The following ZBED4 variants were observed in gnomAD, a reference collection of about 807,000 sequenced individuals.
ZBED4 encodes the protein zinc finger BED domain-containing protein 4.
Under a neutral mutation model 15.5 loss-of-function variants are expected in ZBED4, and 4 were observed. That is an observed-to-expected ratio of 0.26 (90% CI 0.13 to 0.59). The LOEUF is 0.59. ZBED4 is among the 20% of genes least tolerant of loss of function. The pLI, the probability that ZBED4 is intolerant of heterozygous loss-of-function variation, is 0.90. For synonymous variants in ZBED4, 692 were observed against 608.5 expected (o/e 1.14, Z -2.02); for missense variants, 1,323 against 1,461.8 (o/e 0.91, Z 1.55).
At chr22:49,863,394 C>T (rs1037259669) in intron 1 of ZBED4, among the ~76,000 whole-genome samples, 3 of 152,066 alleles carry the variant, frequency 2.0e-5, no homozygotes, top group Admixed American at 6.5e-5. Context: ...TTTGGGAGGC[C>T]GAGGCAGGCG....
In ZBED4 at chr22:49,888,349, C is replaced by T. The variant is rs563057907; in HGVS notation, c.*1171C>T. The T allele has an allele frequency of 9.2e-4, 154 of 167,120 alleles. 1 individual carries two copies. Among genetic ancestry groups the T allele is most frequent in the African/African-American group, 3.4e-3 (143 of 41,544 alleles). 10.4% of individuals were successfully genotyped at this position (167,120 alleles called of 1,614,324 possible). On this transcript the variant is annotated 3_prime_UTR_variant, in exon 2 of 2. Transcript: ENST00000216268. ...AAAGTTGTTTTGTTGAAATACTGTACGTACGCTTAATCTAAATTTGCATTG... is the reference window on the plus strand; with the variant it reads ...AAAGTTGTTTTGTTGAAATACTGTATGTACGCTTAATCTAAATTTGCATTG...
rs1295707355 is a variant in ZBED4, at chr22:49,883,981, C to T, written c.319C>T (p.Leu107Phe). 6.2e-7 allele frequency: 1 copy of T among 1,613,432 alleles called. No individual in the cohort carries two copies. The highest frequency in any genetic ancestry group is 8.5e-7 in the Non-Finnish European group (1 of 1,179,802). The change falls in exon 2 of 2, where the codon CTT (leucine) becomes TTT (phenylalanine). Residue 107 changes from leucine to phenylalanine, a missense_variant. Transcript: ENST00000216268. ...VAMEAVTQSL[L>F]SSRNMSSRKK... Reference sequence around the variant, plus strand: ...CATGGAGGCCGTGACCCAGAGCCTCCTTTCCAGCCGGAACATGAGCTCCAG... The same window carrying T: ...CATGGAGGCCGTGACCCAGAGCCTCTTTTCCAGCCGGAACATGAGCTCCAG...
At chr22:49,856,322 G>A (rs767944728) in intron 1 of ZBED4, among the ~76,000 whole-genome samples, 6 of 152,226 alleles carry the variant, frequency 3.9e-5, no homozygotes, top group Non-Finnish European at 7.3e-5. Context: ...GAGGAGCAGC[G>A]TAAACCAGAG....
chr22:49,872,757 T>C (rs1052915106), intron 1 of ZBED4, among the ~76,000 whole-genome samples: 22 of 150,856 alleles, frequency 1.5e-4, no homozygotes, highest in African/African-American at 4.6e-4. Context: ...CAGGCTGGAG[T>C]GCAGTGACGT....
chr22:49,859,640 G>C (rs5770723), intron 1 of ZBED4, among the ~76,000 whole-genome samples: 149,516 of 152,348 alleles, frequency 0.98, 73,374 homozygotes, highest in East Asian at 1. Context: ...TTAATGCCCT[G>C]TTCGCGGACA....
intron 1 of ZBED4, among the ~76,000 whole-genome samples, chr22:49,866,138 T>TTCTTG (rs2060321697): frequency 6.6e-6 from 1 of 151,840 alleles, no homozygotes; most frequent in South Asian, 2.1e-4. Context: ...CCCAAAGGAT[T>TTCTTG]TAAGTCTAGT....
chr22:49,864,946 C>T (rs188540310), intron 1 of ZBED4, among the ~76,000 whole-genome samples: 2 of 56,344 alleles, frequency 3.5e-5, no homozygotes, highest in Non-Finnish European at 6.5e-5. Context: ...AGCCCCCCCC[C>T]CCCCCCGTGA....
Position 49,885,224 on chromosome 22 carries a change from C to T in ZBED4, c.1562C>T (p.Ala521Val), listed in dbSNP as rs1456095716. The T allele has an allele frequency of 6.2e-7, 1 of 1,612,944 alleles. No individual in the cohort carries two copies. Among genetic ancestry groups the T allele is most frequent in the Non-Finnish European group, 8.5e-7 (1 of 1,179,344 alleles). Residue 521 changes from alanine (A) to valine (V), a missense_variant, in exon 2 of 2, where the codon GCA becomes GTA. Physicochemically the swap from Ala to Val is moderately conservative, Grantham distance 64 (BLOSUM62 0). This residue lies in a region of ZBED4 where 429 missense variants were observed against 397.9 expected (regional missense o/e 1.08). Transcript: ENST00000216268. ...AAGGGCTTCCTGGGTGCAAGTCTGG[C>T]AAACTCTCCGTATGCCACTTTGGCC... ...SQKGFLGASL[A>V]NSPYATLASA...
rs184864820 is a variant in ZBED4 at position 49,874,763 on chromosome 22, C to T, written c.-329-8571C>T. ...GGCTCGATCTCAGCTCACTGCACCT[C>T]GACCTCCCGTCCAGGTTCAAGCGAT... is the stretch of plus-strand genomic sequence containing the variant. On this transcript the variant is annotated intron_variant, in intron 1 of 1. Coordinates refer to ENST00000216268, the MANE Select transcript of ZBED4 (RefSeq NM_014838.3). 2.0e-3 allele frequency among the ~76,000 whole-genome samples: 274 copies of T among 139,202 alleles called. 1 individual carries two copies. Among genetic ancestry groups the T allele is most frequent in the Middle Eastern group, 4.2e-3 (1 of 236 alleles). 91.3% of individuals were successfully genotyped at this position (139,202 alleles called of 152,430 possible). A position where few individuals can be genotyped will look rare whatever the true frequency, so the allele number is the denominator to read the frequency against.
In ZBED4 at chr22:49,888,905, C is replaced by T. The variant is rs745405878; in HGVS notation, c.*1727C>T. Reference sequence around the variant, plus strand: ...TGTCATCCTGGTGTAGAAAGGGTTGCGCACAGGATAGGAGGGAGCCACAGT... The same window carrying T: ...TGTCATCCTGGTGTAGAAAGGGTTGTGCACAGGATAGGAGGGAGCCACAGT... On this transcript the variant is annotated 3_prime_UTR_variant, in exon 2 of 2. Transcript: ENST00000216268. 29 of 167,200 alleles carry T rather than the reference C, an allele frequency of 1.7e-4. No individual in the cohort carries two copies. The highest frequency in any genetic ancestry group is 9.7e-5 in the African/African-American group (4 of 41,426). 10.4% of individuals were successfully genotyped at this position (167,200 alleles called of 1,614,324 possible). A position where few individuals can be genotyped will look rare whatever the true frequency, so the allele number is the denominator to read the frequency against.
Position 49,884,564 on chromosome 22 carries a change from A to G in ZBED4, c.902A>G (p.Asn301Ser), listed in dbSNP as rs748486851. 6.2e-7 allele frequency: 1 copy of G among 1,612,838 alleles called. No homozygotes were observed. Among genetic ancestry groups the G allele is most frequent in the Non-Finnish European group, 8.5e-7 (1 of 1,179,376 alleles). ...WKHFYLSPLD[N>S]SKAVCIHCMN... ...CACTTCTACCTGTCGCCACTGGACA[A>G]CTCCAAAGCTGTCTGCATTCACTGC... Residue 301 changes from asparagine to serine, a missense_variant, in exon 2 of 2, where the codon AAC (asparagine) becomes AGC (serine). Transcript: ENST00000216268.
intron 1 of ZBED4, among the ~76,000 whole-genome samples, chr22:49,882,240 T>C (rs2060413211): frequency 6.6e-6 from 1 of 152,212 alleles, no homozygotes; most frequent in Non-Finnish European, 1.5e-5. Context: ...CTTTCTGGCA[T>C]GCCCAGTAAT....
Position 49,883,908 on chromosome 22 carries a change from C to G in ZBED4, c.246C>G (p.Asp82Glu), listed in dbSNP as rs1249064653. The change falls in exon 2 of 2, where the codon GAC (aspartate) becomes GAG (glutamate). Residue 82 changes from aspartate to glutamate, a missense_variant. Asp to Glu is a conservative substitution (Grantham distance 45, BLOSUM62 2). Coordinates refer to ENST00000216268, the MANE Select transcript of ZBED4 (RefSeq NM_014838.3). ...ACTTGTCTGCAGAGAGTGAGGATGA[C>G]TATGGCGCGCTGTTCTCCCAGTACA... ...GKYLSAESED[D>E]YGALFSQYSS... The G allele has an allele frequency of 1.2e-6, 2 of 1,608,148 alleles. No individual in the cohort carries two copies. Among genetic ancestry groups the G allele is most frequent in the Non-Finnish European group, 8.5e-7 (1 of 1,176,054 alleles).
chr22:49,870,365 T>C (rs1337207283), intron 1 of ZBED4, among the ~76,000 whole-genome samples: 1 of 152,238 alleles, frequency 6.6e-6, no homozygotes, highest in Non-Finnish European at 1.5e-5. Context: ...CTGGGTCCAA[T>C]GGTAGCTCTG....
intron 1 of ZBED4, among the ~76,000 whole-genome samples, chr22:49,880,402 C>A (rs575652191): frequency 2.0e-5 from 3 of 152,256 alleles, no homozygotes; most frequent in African/African-American, 7.2e-5. Flanking sequence ...TCCTCTCCCG[C>A]GCTCGGGACA....
intron 1 of ZBED4, among the ~76,000 whole-genome samples, chr22:49,873,561 A>G (rs2060359301): frequency 6.6e-6 from 1 of 152,258 alleles, no homozygotes; most frequent in Non-Finnish European, 1.5e-5. Context: ...AATGTGACAC[A>G]CAGGTGGAGA....
intron 1 of ZBED4, among the ~76,000 whole-genome samples, chr22:49,872,128 C>G (rs1210914954): frequency 1.3e-5 from 2 of 152,182 alleles, no homozygotes; most frequent in African/African-American, 4.8e-5. Context: ...ACATTTTACC[C>G]ACAGTAGAAC....
At position 49,874,672 on chromosome 22, in the gene ZBED4, CTTTTTTT is replaced by C. The variant is rs10636316; in HGVS notation, c.-329-8642_-329-8636del. Among the ~76,000 whole-genome samples the C allele has an allele frequency of 2.9e-4, 11 of 37,314 alleles. No homozygotes were observed. The East Asian group carries it at 3.1e-3, about 11-fold the overall frequency. 24.5% of individuals were successfully genotyped at this position (37,314 alleles called of 152,430 possible). A position where few individuals can be genotyped will look rare whatever the true frequency, so the allele number is the denominator to read the frequency against. ...ACAGGCGTGAACCACCATGCCCAGCCTTTTTTTTTTTTTTTTTTTTTTTTTTGAGACG... is the reference window on the plus strand; with the variant it reads ...ACAGGCGTGAACCACCATGCCCAGCCTTTTTTTTTTTTTTTTTTTGAGACG... On this transcript the variant is annotated intron_variant, in intron 1 of 1. Transcript: ENST00000216268.
At chr22:49,874,181 AG>A (rs1310616370) in intron 1 of ZBED4, among the ~76,000 whole-genome samples, 1 of 152,120 alleles carries the variant, frequency 6.6e-6, no homozygotes, top group Admixed American at 6.5e-5. Context: ...GAATATGCCG[AG>A]GGGAAGCACT....
Sources: gnomAD v4.1 joint callset for allele counts (sites outside exome capture counted in the v4.1 genomes callset) on GRCh38, gnomAD v4.1.1 for gene constraint, gnomAD v4.1.1 regional missense constraint, MANE v1.5 for transcripts, NCBI Gene and HGNC (gene_info 2026-07-23, HGNC 2026-07-21) for gene names.